The following LRP4 variants were observed in gnomAD, a reference collection of about 807,000 sequenced individuals.
LRP4 encodes LDL receptor related protein 4.
LRP4 carries 95 observed loss-of-function variants against 220.3 expected under a neutral mutation model. That is an observed-to-expected ratio of 0.43 (90% CI 0.37 to 0.51). The LOEUF is 0.51. LRP4 is among the 20% of genes least tolerant of loss of function. LRP4 has a pLI of 0.00. For synonymous variants in LRP4, 903 were observed against 954.6 expected (o/e 0.95, Z 1.00); for missense variants, 1,925 against 2,567.0 (o/e 0.75, Z 5.40).
rs1020743373 is a variant in LRP4 at position 46,918,322 on chromosome 11, G to T, written c.52+6C>A. 1.1e-5 allele frequency: 16 copies of T among 1,509,206 alleles called. No homozygotes were observed. The highest frequency in any genetic ancestry group is 1.4e-5 in the Non-Finnish European group (16 of 1,134,862). The allele number at this position is 1,509,206 out of a possible 1,614,324, so 93.5% of individuals were successfully genotyped here. On this transcript the variant is annotated splice_donor_region_variant and intron_variant, in intron 1 of 37. Transcript: ENST00000378623. This position sits in a 1 kb window ranked among gnomAD's most constrained non-coding sequence, Gnocchi z 6.0. ...GGGACAAACTTTCCCGGCGGGCGCC[G>T]CTTACCGTGTGCGCAGAGCAGGGCG...
intron 31 of LRP4, among the ~76,000 whole-genome samples, chr11:46,869,858 C>T (rs1940812300): frequency 6.6e-6 from 1 of 152,132 alleles, no homozygotes; most frequent in Admixed American, 6.5e-5. Flanking sequence ...CCTGTAATCC[C>T]AGCACTTTGG....
At chr11:46,917,783 C>T (rs1264135039) in intron 1 of LRP4, among the ~76,000 whole-genome samples, 2 of 152,146 alleles carry the variant, frequency 1.3e-5, no homozygotes, top group African/African-American at 4.8e-5. Context: ...CCCAGAGCCC[C>T]TTGGTGGGAG....
At chr11:46,878,798 C>A (rs1592526496) in intron 22 of LRP4, 109 bp downstream of exon 22, 2 of 1,502,756 alleles carry the variant, frequency 1.3e-6, no homozygotes, top group East Asian at 4.5e-5. Context: ...CTAGAAGCAG[C>A]AGGACTCATG....
rs960930288 is a variant in LRP4, at chr11:46,858,882, G to C, written c.*101C>G. 6 of 1,140,624 alleles carry C rather than the reference G, an allele frequency of 5.3e-6. No individual in the cohort carries two copies. Among genetic ancestry groups the C allele is most frequent in the Non-Finnish European group, 7.9e-6 (6 of 754,986 alleles). 70.7% of individuals were successfully genotyped at this position (1,140,624 alleles called of 1,614,324 possible). A position where few individuals can be genotyped will look rare whatever the true frequency, so the allele number is the denominator to read the frequency against. On this transcript the variant is annotated 3_prime_UTR_variant, in exon 38 of 38. Transcript: ENST00000378623. ...CAGTTATGGGGTGGGAGGAGGAGGAGGACAAGCACACAGAAGCGGGGCCTG... is the reference window on the plus strand; with the variant it reads ...CAGTTATGGGGTGGGAGGAGGAGGACGACAAGCACACAGAAGCGGGGCCTG...
chr11:46,876,750 T>C lies in LRP4; in HGVS notation c.3358A>G (p.Thr1120Ala). 1 of 1,614,130 alleles carries C rather than the reference T, an allele frequency of 6.2e-7. No homozygotes were observed. Among genetic ancestry groups the C allele is most frequent in the African/African-American group, 1.3e-5 (1 of 75,050 alleles). ...GGCTAGGAGGAAGGCCCACCTGTGG[T>C]GATGATGTCCTCATGCTGTGAGCCA... ...LDGSQHEDII[T>A]TGLQTTDGLA... The change falls in exon 24 of 38, where the codon ACC becomes GCC. Residue 1120 changes from threonine (T) to alanine (A), a missense_variant. Transcript: ENST00000378623.
Position 46,899,073 on chromosome 11 carries a change from C to A in LRP4, c.548-41G>T. On this transcript the variant is annotated intron_variant, in intron 5 of 37. Coordinates refer to ENST00000378623, the MANE Select transcript of LRP4 (RefSeq NM_002334.4). The surrounding 1 kb of genome is among the most constrained non-coding windows in gnomAD (Gnocchi z 5.9). ...GGGTGGGGAGGGGCACACACTCAGGCCTGGATGAAGGAGAGGGGCCCTGAT... is the reference window on the plus strand; with the variant it reads ...GGGTGGGGAGGGGCACACACTCAGGACTGGATGAAGGAGAGGGGCCCTGAT... 6.3e-7 allele frequency: 1 copy of A among 1,591,698 alleles called. No homozygotes were observed. Among genetic ancestry groups the A allele is most frequent in the Non-Finnish European group, 8.6e-7 (1 of 1,165,302 alleles).
rs2134897764 is a variant in LRP4 at position 46,918,222 on chromosome 11, C to A, written c.52+106G>T. 2 of 1,238,174 alleles carry A rather than the reference C, an allele frequency of 1.6e-6. No homozygotes were observed. The highest frequency in any genetic ancestry group is 3.1e-5 in the African/African-American group (2 of 63,830). 76.7% of individuals were successfully genotyped at this position (1,238,174 alleles called of 1,614,324 possible). A position where few individuals can be genotyped will look rare whatever the true frequency, so the allele number is the denominator to read the frequency against. On this transcript the variant is annotated intron_variant, in intron 1 of 37. Transcript: ENST00000378623. The surrounding 1 kb of genome is among the most constrained non-coding windows in gnomAD (Gnocchi z 6.0). The stretch of plus-strand genomic sequence containing the variant: ...GCAGCCCCAGGGCCACGGCTAGGAG[C>A]GAGGGCGAGGGGTCTCAGGCCCCGG...
chr11:46,914,144 A>G lies in LRP4; in HGVS notation c.52+4184T>C, dbSNP rs1433751051. ...TGCTGCATAGTTTGAACATGCTATTATCTCAGGTAAATTTTATGATATTCC... is the reference window on the plus strand; with the variant it reads ...TGCTGCATAGTTTGAACATGCTATTGTCTCAGGTAAATTTTATGATATTCC... On this transcript the variant is annotated intron_variant, in intron 1 of 37. Transcript: ENST00000378623. 2.0e-5 allele frequency among the ~76,000 whole-genome samples: 3 copies of G among 152,140 alleles called. No homozygotes were observed. The East Asian group carries it at 5.8e-4, about 29-fold the overall frequency.
chr11:46,884,337 C>T (rs777222707), intron 18 of LRP4, among the ~76,000 whole-genome samples: 13 of 152,164 alleles, frequency 8.5e-5, no homozygotes, highest in Non-Finnish European at 1.2e-4. Flanking sequence ...GGCGTGGTGG[C>T]TCACGCCTGT....
At chr11:46,868,451 A>C (rs1188154313) in intron 33 of LRP4, 149 bp downstream of exon 33, 2 of 718,242 alleles carry the variant, frequency 2.8e-6, no homozygotes, top group African/African-American at 3.5e-5. Context: ...CCCAAAACCC[A>C]AGCAGACTGC....
chr11:46,868,737 C>G (rs745744129), intron 32 of LRP4, 24 bp from the exon 33 acceptor site: 1 of 1,518,936 alleles, frequency 6.6e-7, no homozygotes, highest in Non-Finnish European at 9.1e-7. Flanking sequence ...AGATGAATGT[C>G]TTATCTGGGA....
At chr11:46,902,730 C>G (rs1565802707) in intron 2 of LRP4, 53 bp downstream of exon 2, 7 of 1,609,084 alleles carry the variant, frequency 4.4e-6, no homozygotes, top group Non-Finnish European at 5.9e-6. Flanking sequence ...TCCTTGCCCC[C>G]CACCCCCAGG....
intron 11 of LRP4, 80 bp from the exon 12 acceptor site, chr11:46,894,899 C>T (rs1941493541): frequency 6.4e-6 from 8 of 1,246,378 alleles, no homozygotes; most frequent in Admixed American, 1.8e-5. Flanking sequence ...TTCAGCTGAC[C>T]GATGGAGCCA....
rs1773171555 is a variant in LRP4 at position 46,918,253 on chromosome 11, G to T, written c.52+75C>A. 2 of 1,449,072 alleles carry T rather than the reference G, an allele frequency of 1.4e-6. No individual in the cohort carries two copies. The highest frequency in any genetic ancestry group is 1.5e-5 in the African/African-American group (1 of 68,224). 89.8% of individuals were successfully genotyped at this position (1,449,072 alleles called of 1,614,324 possible). On this transcript the variant is annotated intron_variant, in intron 1 of 37. Coordinates refer to ENST00000378623, the MANE Select transcript of LRP4 (RefSeq NM_002334.4). This position sits in a 1 kb window ranked among gnomAD's most constrained non-coding sequence, Gnocchi z 6.0. ...CGAGGGGTCTCAGGCCCCGGCCCGC[G>T]CCGTCCAGGTCCCGGGAGGCGAGTC...
At chr11:46,868,568 C>T in intron 33 of LRP4, 32 bp downstream of exon 33, 1 of 1,503,926 alleles carries the variant, frequency 6.6e-7, no homozygotes, top group Non-Finnish European at 9.3e-7. Flanking sequence ...AGGGGCTCTG[C>T]CGAGTGGCTC....
intron 12 of LRP4, among the ~76,000 whole-genome samples, chr11:46,893,616 C>T (rs1040262908): frequency 2.0e-5 from 3 of 152,108 alleles, no homozygotes; most frequent in African/African-American, 4.8e-5. Flanking sequence ...TTGTTTGTTT[C>T]GAGATGGAGT....
intron 22 of LRP4, among the ~76,000 whole-genome samples, chr11:46,878,403 C>T (rs1941069408): frequency 6.6e-6 from 1 of 151,582 alleles, no homozygotes; most frequent in African/African-American, 2.4e-5. Context: ...CCTTAGCCTC[C>T]CAAGTAGCTG....
chr11:46,898,100 G>A (rs1187081324), intron 7 of LRP4, among the ~76,000 whole-genome samples: 1 of 149,278 alleles, frequency 6.7e-6, no homozygotes, highest in African/African-American at 2.5e-5. Context: ...CGGGCGGGGG[G>A]CTGACCCCCC....
At chr11:46,876,954 C>A in intron 23 of LRP4, 124 bp from the exon 24 acceptor site, 1 of 916,550 alleles carries the variant, frequency 1.1e-6, no homozygotes, top group Non-Finnish European at 1.8e-6. Context: ...CAGAGGAAAT[C>A]AAGGAAAACG....
Sources: allele counts gnomAD v4.1 joint callset (sites outside exome capture counted in the v4.1 genomes callset), GRCh38; gene constraint gnomAD v4.1.1; non-coding constraint Gnocchi (gnomAD v3.1); transcripts MANE v1.5; gene names NCBI Gene and HGNC (gene_info 2026-07-23, HGNC 2026-07-21).